The following PMS2 variants were observed in gnomAD, a reference collection of about 807,000 sequenced individuals.
The protein encoded by PMS2 is PMS1 homolog 2, mismatch repair system component.
A neutral mutation model predicts 90.0 loss-of-function variants in PMS2; 69 were observed. The ratio of observed to expected loss-of-function variants is 0.77; its 90% CI spans 0.63 to 0.94. PMS2 has a LOEUF of 0.94. Among genes scored for constraint, PMS2 ranks in the 40% least tolerant of loss-of-function variants. PMS2 has a pLI of 0.00. For synonymous variants in PMS2, 332 were observed against 375.1 expected (o/e 0.89, Z 1.33); for missense variants, 966 against 1,040.2 (o/e 0.93, Z 0.98).
Position 5,987,637 on chromosome 7 carries a change from G to A in PMS2, c.1145-17C>T, listed in dbSNP as rs587781110. On this transcript the variant is annotated splice_polypyrimidine_tract_variant and intron_variant, in intron 10 of 14. Transcript: ENST00000265849. ...TTAAGTTACCTAAGCAAACGTGGAC[G>A]GAGAAGAGGGTCAGGGACTATCCTG... 34 of 1,524,840 alleles carry A rather than the reference G, an allele frequency of 2.2e-5. No individual in the cohort carries two copies. Among genetic ancestry groups the A allele is most frequent in the Middle Eastern group, 1.7e-4 (1 of 5,912 alleles). The allele number at this position is 1,524,840 out of a possible 1,614,324, so 94.5% of individuals were successfully genotyped here.
At chr7:5,999,001 A>T in intron 6 of PMS2, 107 bp downstream of exon 6, 1 of 1,263,248 alleles carries the variant, frequency 7.9e-7, no homozygotes, top group East Asian at 2.3e-5. Context: ...AAAAAAAAAA[A>T]AAAATCAATT....
rs750883624 is a variant in PMS2, at chr7:5,989,780, G to C, written c.1144+20C>G. ...TAGCTAAAAGCTTTAGAAGCTGTTT[G>C]TACACTGTATTTTTCTTACCTTCAA... On this transcript the variant is annotated intron_variant, in intron 10 of 14. Coordinates refer to ENST00000265849, the MANE Select transcript of PMS2 (RefSeq NM_000535.7). The C allele has an allele frequency of 5.0e-6, 8 of 1,598,898 alleles. No homozygotes were observed. Among genetic ancestry groups the C allele is most frequent in the Non-Finnish European group, 6.9e-6 (8 of 1,167,146 alleles).
intron 9 of PMS2, among the ~76,000 whole-genome samples, chr7:5,991,367 C>T (rs1783708748): frequency 6.6e-6 from 1 of 150,752 alleles, no homozygotes; most frequent in Non-Finnish European, 1.5e-5. Flanking sequence ...TACTCAATTA[C>T]AATAAACCAA....
chr7:6,000,416 A>C (rs1784967643), intron 5 of PMS2, among the ~76,000 whole-genome samples: 1 of 151,522 alleles, frequency 6.6e-6, no homozygotes, highest in African/African-American at 2.4e-5. Context: ...TTTCAACCAC[A>C]TACAATTCTG....
At chr7:5,998,807 C>A (rs375647742) in intron 6 of PMS2, among the ~76,000 whole-genome samples, 1 of 151,614 alleles carries the variant, frequency 6.6e-6, no homozygotes, top group South Asian at 2.1e-4. Flanking sequence ...CTGGCCAACA[C>A]GGTGAAACCC....
intron 6 of PMS2, among the ~76,000 whole-genome samples, chr7:5,998,459 G>A (rs1056621197): frequency 2.3e-4 from 34 of 150,674 alleles, no homozygotes; most frequent in East Asian, 1.2e-3. Context: ...TTGGGAGGCC[G>A]AGGCAGGCGG....
At position 5,986,901 on chromosome 7, in the gene PMS2, T is replaced by A. The variant is rs370853512; in HGVS notation, c.1864A>T (p.Met622Leu). 2 of 1,614,010 alleles carry A rather than the reference T, an allele frequency of 1.2e-6. No homozygotes were observed. Among genetic ancestry groups the A allele is most frequent in the African/African-American group, 2.7e-5 (2 of 74,934 alleles). The change falls in exon 11 of 15, where the codon ATG (methionine) becomes TTG (leucine). Residue 622 changes from methionine (M) to leucine (L), a missense_variant. Around this residue, in one of 2 missense-constraint regions of PMS2, gnomAD observed 871 missense variants for 802.4 expected, o/e 1.09. Coordinates refer to ENST00000265849, the MANE Select transcript of PMS2 (RefSeq NM_000535.7). ...TTTATTCGTTTAGCTAAAGAACTCA[T>A]AGAAAAGTCCAGGGGCACAACTTTC... ...NKKVVPLDFS[M>L]SSLAKRIKQL... is the part of the protein sequence containing the mutation.
chr7:5,984,753 C>A (rs2128712330), intron 11 of PMS2, among the ~76,000 whole-genome samples: 1 of 151,748 alleles, frequency 6.6e-6, no homozygotes, highest in South Asian at 2.1e-4. Flanking sequence ...CCAGTGCACT[C>A]CAGCCTGGGC....
In PMS2 at chr7:5,994,636, C is replaced by T. The variant is rs1023305330; in HGVS notation, c.903+898G>A. On this transcript the variant is annotated intron_variant, in intron 8 of 14. Transcript: ENST00000265849. ...AAAATACAAAAAAAAATTAACCAGGCGTGGTGGCAGGCACCTGTAGTCCCA... is the reference window on the plus strand; with the variant it reads ...AAAATACAAAAAAAAATTAACCAGGTGTGGTGGCAGGCACCTGTAGTCCCA... 9.2e-5 allele frequency among the ~76,000 whole-genome samples: 14 copies of T among 151,442 alleles called. No individual in the cohort carries two copies. In the South Asian group the frequency reaches 1.5e-3, roughly 16 times the overall value.
At position 5,978,499 on chromosome 7, in the gene PMS2, G is replaced by A. The variant is rs1450962886; in HGVS notation, c.2275+97C>T. On this transcript the variant is annotated intron_variant, in intron 13 of 14. Coordinates refer to ENST00000265849, the MANE Select transcript of PMS2 (RefSeq NM_000535.7). ...TTAGCCAGGCTGGTCTCAAACTCCT[G>A]ACCTCAGGCGATCTGCCCGCCTTGG... 5 of 1,209,176 alleles carry A rather than the reference G, an allele frequency of 4.1e-6. No homozygotes were observed. The Admixed American group carries it at 7.6e-5, about 18-fold the overall frequency. The allele number at this position is 1,209,176 out of a possible 1,614,324, so 74.9% of individuals were successfully genotyped here. A position where few individuals can be genotyped will look rare whatever the true frequency, so the allele number is the denominator to read the frequency against.
At chr7:5,989,660 C>A in intron 10 of PMS2, 140 bp downstream of exon 10, 2 of 627,328 alleles carry the variant, frequency 3.2e-6, no homozygotes, top group South Asian at 4.1e-5. Context: ...GAGCAAGTCC[C>A]TGTCTCAAAA....
At position 5,995,523 on chromosome 7, in the gene PMS2, A is replaced by G. The variant is rs766296823; in HGVS notation, c.903+11T>C. 1 of 1,598,516 alleles carries G rather than the reference A, an allele frequency of 6.3e-7. No homozygotes were observed. The highest frequency in any genetic ancestry group is 1.3e-5 in the African/African-American group (1 of 74,608). On this transcript the variant is annotated intron_variant, in intron 8 of 14. Transcript: ENST00000265849. ...ATAAAGAACAAACTAACACAAAAAAATTTTAAATACCTTTGCTGGGTCACA... is the reference window on the plus strand; with the variant it reads ...ATAAAGAACAAACTAACACAAAAAAGTTTTAAATACCTTTGCTGGGTCACA...
chr7:6,007,222 T>C (rs973028392), intron 1 of PMS2, among the ~76,000 whole-genome samples: 12 of 152,202 alleles, frequency 7.9e-5, no homozygotes, highest in Non-Finnish European at 1.5e-4. Context: ...TTCAAGCGAT[T>C]CTCCTATCTC....
intron 10 of PMS2, 140 bp from the exon 11 acceptor site, chr7:5,987,760 A>C (rs868515580): frequency 5.0e-6 from 5 of 1,006,458 alleles, no homozygotes; most frequent in Non-Finnish European, 7.7e-6. Context: ...GTTCAAAATA[A>C]AACTATAATA....
In PMS2 at chr7:5,999,223, C is replaced by T. The variant is rs1260124992; in HGVS notation, c.590G>A (p.Gly197Asp). 2 of 1,614,012 alleles carry T rather than the reference C, an allele frequency of 1.2e-6. No individual in the cohort carries two copies. Among genetic ancestry groups the T allele is most frequent in the South Asian group, 1.1e-5 (1 of 91,080 alleles). Residue 197 changes from glycine to aspartate, a missense_variant, in exon 6 of 15, where the codon GGC becomes GAC. By Grantham distance (94) the Gly-to-Asp change is moderately conservative. Coordinates refer to ENST00000265849, the MANE Select transcript of PMS2 (RefSeq NM_000535.7). ...VLHAYCIISA[G>D]IRVSCTNQLG... ...CTGATTGGTGCAACTTACACGGATG[C>T]CTGCTGAAATGATACAGTATGCATG...
At chr7:6,004,553 T>TA (rs1785498796) in intron 2 of PMS2, among the ~76,000 whole-genome samples, 1 of 152,042 alleles carries the variant, frequency 6.6e-6, no homozygotes, top group African/African-American at 2.4e-5. Context: ...CTGTCTCTAC[T>TA]AAAAATACAA....
At chr7:5,998,331 C>T (rs190224996) in intron 6 of PMS2, among the ~76,000 whole-genome samples, 10,150 of 150,140 alleles carry the variant, frequency 0.068, 504 homozygotes, top group Middle Eastern at 0.16. Context: ...CCGCCCACCT[C>T]AGCCTCCCAA....
intron 10 of PMS2, among the ~76,000 whole-genome samples, chr7:5,989,113 G>C (rs1783429631): frequency 1.3e-5 from 2 of 152,146 alleles, no homozygotes; most frequent in African/African-American, 4.8e-5. Flanking sequence ...GCCTCCCAAA[G>C]TACTGGGATT....
At chr7:5,989,141 C>A (rs559779276) in intron 10 of PMS2, among the ~76,000 whole-genome samples, 13 of 152,258 alleles carry the variant, frequency 8.5e-5, no homozygotes, top group Admixed American at 3.9e-4. Context: ...TGAGCCGCTG[C>A]GCCTGGCCTA....
Sources: allele counts gnomAD v4.1 joint callset (sites outside exome capture counted in the v4.1 genomes callset), GRCh38; gene constraint gnomAD v4.1.1; regional missense constraint gnomAD v4.1.1; transcripts MANE v1.5; gene names NCBI Gene and HGNC (gene_info 2026-07-23, HGNC 2026-07-21).